Variants in PADI6 observed in about 807,000 individuals in gnomAD.
PADI6 encodes the protein peptidyl arginine deiminase 6.
Under a neutral mutation model 78.2 loss-of-function variants are expected in PADI6, and 66 were observed. The ratio of observed to expected loss-of-function variants is 0.84; its 90% confidence interval spans 0.69 to 1.04. The LOEUF (loss-of-function observed/expected upper bound fraction) is 1.04. PADI6 is among the 50% of genes least tolerant of loss of function. The pLI is 0.00. For synonymous variants in PADI6, 397 were observed against 346.9 expected, an observed-to-expected ratio of 1.14 and a Z score of -1.60; for missense variants, 854 against 866.1, an observed-to-expected ratio of 0.99 and a Z score of 0.18.
At chr1:17,375,581 A>G in intron 3 of PADI6, 82 bp downstream of exon 3, 1 of 1,272,878 alleles carries the variant, frequency 7.9e-7, no homozygotes. Context: ...GAGGAGCCAA[A>G]AAAGATTCTC....
chr1:17,392,546 C>T (rs112535805), intron 9 of PADI6, among the ~76,000 whole-genome samples: 249 of 152,302 alleles, frequency 1.6e-3, no homozygotes, highest in African/African-American at 5.6e-3. Context: ...CCTGGGGTCC[C>T]GCCTGACTCT....
chr1:17,382,153 C>G (rs2075079111), intron 6 of PADI6, 61 bp downstream of exon 6: 1 of 1,586,948 alleles, frequency 6.3e-7, no homozygotes, highest in Non-Finnish European at 8.6e-7. Context: ...CAAGTTGTGC[C>G]CACACCTCCT....
intron 8 of PADI6, among the ~76,000 whole-genome samples, chr1:17,389,788 G>A (rs1195471950): frequency 2.6e-5 from 4 of 152,204 alleles, no homozygotes; most frequent in Non-Finnish European, 5.9e-5. Context: ...TCTAGACACA[G>A]CATGGCTCAA....
chr1:17,384,163 C>A (rs1478273541), intron 6 of PADI6, among the ~76,000 whole-genome samples: 1 of 151,890 alleles, frequency 6.6e-6, no homozygotes, highest in Non-Finnish European at 1.5e-5. Context: ...ACTTAAAAAT[C>A]AGGGTAGGGC....
chr1:17,382,958 G>T (rs1223944190), intron 6 of PADI6, among the ~76,000 whole-genome samples: 1 of 152,132 alleles, frequency 6.6e-6, no homozygotes, highest in Non-Finnish European at 1.5e-5. Context: ...TGGCTAATTT[G>T]CTTTTCTTGT....
At chr1:17,391,147 A>G (rs973547525) in intron 8 of PADI6, among the ~76,000 whole-genome samples, 3 of 152,202 alleles carry the variant, frequency 2.0e-5, no homozygotes, top group African/African-American at 7.2e-5. Context: ...CCCAATTTCA[A>G]TATCTCCCAA....
intron 3 of PADI6, among the ~76,000 whole-genome samples, chr1:17,379,422 A>G (rs540168816): frequency 6.6e-6 from 1 of 151,884 alleles, no homozygotes; most frequent in Admixed American, 6.6e-5. Context: ...CCGCCCAGTT[A>G]ATTTTTGTAT....
chr1:17,398,996 G>A (rs535343316), intron 15 of PADI6, 149 bp downstream of exon 15: 66 of 898,022 alleles, frequency 7.3e-5, no homozygotes, highest in African/African-American at 4.9e-4. Flanking sequence ...CCCCCATCTC[G>A]GTTAGGGACG....
At chr1:17,398,900 T>G in intron 15 of PADI6, 53 bp downstream of exon 15, 1 of 1,565,042 alleles carries the variant, frequency 6.4e-7, no homozygotes, top group Non-Finnish European at 8.8e-7. Flanking sequence ...CAGGCAACAC[T>G]GGCTGCCACC....
In PADI6 at chr1:17,394,074, T is replaced by C; in HGVS notation, c.1174T>C (p.Tyr392His). 1 of 1,613,262 alleles carries C rather than the reference T, an allele frequency of 6.2e-7. No homozygotes were observed. Among genetic ancestry groups the C allele is most frequent in the Non-Finnish European group, 8.5e-7 (1 of 1,179,264 alleles). The change falls in exon 10 of 16, where the codon TAC (tyrosine) becomes CAC (histidine). Residue 392 changes from tyrosine (Y) to histidine (H), a missense_variant. By Grantham distance (83) the Tyr-to-His change is moderately conservative (BLOSUM62 2). Transcript: ENST00000619609. ...AADLDEFPMK[Y>H]SLSPGIGYMI... ...CGATCTCGATGAGTTCCCCATGAAG[T>C]ACTCACTGGTGTGGAACTTGGTTTG...
chr1:17,382,340 G>T (rs1344338176), intron 6 of PADI6, among the ~76,000 whole-genome samples: 1 of 152,306 alleles, frequency 6.6e-6, no homozygotes, highest in South Asian at 2.1e-4. Flanking sequence ...TAAAATGGGG[G>T]TAGCTGTGCC....
chr1:17,388,384 A>AC lies in PADI6; in HGVS notation c.684dup (p.Asn229GlnfsTer6). ...CCATCCCTTCTTTCTCTCCTAGAAGACAACTCCAGTACCTTTGAGTTGGTG... is the reference window on the plus strand; with the variant it reads ...CCATCCCTTCTTTCTCTCCTAGAAGACCAACTCCAGTACCTTTGAGTTGGTG... On this transcript the variant is annotated frameshift_variant, in exon 7 of 16. Coordinates refer to ENST00000619609, the MANE Select transcript of PADI6 (RefSeq NM_207421.4). LOFTEE classifies it high-confidence loss of function. 6.2e-7 allele frequency: 1 copy of AC among 1,609,896 alleles called. No individual in the cohort carries two copies. Among genetic ancestry groups the AC allele is most frequent in the Non-Finnish European group, 8.5e-7 (1 of 1,178,002 alleles).
intron 3 of PADI6, among the ~76,000 whole-genome samples, chr1:17,377,235 G>A (rs1231406400): frequency 2.6e-5 from 4 of 151,856 alleles, no homozygotes; most frequent in Non-Finnish European, 4.4e-5. Flanking sequence ...TGATCCTCCC[G>A]CCTCAGCCTC....
chr1:17,398,648 TCCCCCGCC>T (rs1356037495), intron 14 of PADI6, 30 bp from the exon 15 acceptor site: 9 of 194,664 alleles, frequency 4.6e-5, no homozygotes, highest in African/African-American at 4.0e-4. Flanking sequence ...CTCTCCTTGC[TCCCCCGCC>T]CCCCCCCCCA....
At chr1:17,381,722 T>C (rs2075074659) in intron 5 of PADI6, among the ~76,000 whole-genome samples, 1 of 152,062 alleles carries the variant, frequency 6.6e-6, no homozygotes, top group African/African-American at 2.4e-5. Flanking sequence ...GGCCCTGTTC[T>C]GTTTGTGGGG....
intron 13 of PADI6, 99 bp from the exon 14 acceptor site, chr1:17,396,972 G>A: frequency 1.8e-6 from 2 of 1,100,530 alleles, no homozygotes; most frequent in South Asian, 1.3e-5. Flanking sequence ...ACTGGCCCAG[G>A]AATGCACCCA....
At chr1:17,398,874 TG>T in intron 15 of PADI6, 27 bp downstream of exon 15, 1 of 1,608,370 alleles carries the variant, frequency 6.2e-7, no homozygotes. Flanking sequence ...CATCCCTGGG[TG>T]GGGGAGGGCC....
chr1:17,381,055 G>C lies in PADI6; in HGVS notation c.444G>C (p.Trp148Cys). 1 of 1,598,676 alleles carries C rather than the reference G, an allele frequency of 6.3e-7. No individual in the cohort carries two copies. The highest frequency in any genetic ancestry group is 8.5e-7 in the Non-Finnish European group (1 of 1,172,914). ...MSSDKQAKKK[W>C]IWGPSGWGAI... is the part of the protein sequence containing the mutation. ...TCCCATCTCATTTGCAGAAAAAATG[G>C]ATCTGGGGTCCCAGCGGTTGGGGTG... The change falls in exon 5 of 16, where the codon TGG (tryptophan) becomes TGC (cysteine). Residue 148 changes from tryptophan to cysteine, a missense_variant. Transcript: ENST00000619609.
chr1:17,401,294 T>A lies in PADI6; in HGVS notation c.1941T>A (p.Ile647=). ...IKGTCCLEEK[I]CCLLEPLGFK... ...GGACCTGCTGCCTGGAAGAAAAGAT[T>A]TGCTGCTTGCTGGAGCCCCTGGGCT... The change falls in exon 16 of 16, where the codon ATT becomes ATA. Residue 647 remains isoleucine, a synonymous_variant. Coordinates refer to ENST00000619609, the MANE Select transcript of PADI6 (RefSeq NM_207421.4). 1 of 1,614,068 alleles carries A rather than the reference T, an allele frequency of 6.2e-7. No individual in the cohort carries two copies. The highest frequency in any genetic ancestry group is 8.5e-7 in the Non-Finnish European group (1 of 1,179,912).
Sources: gnomAD v4.1 joint callset for allele counts (sites outside exome capture counted in the v4.1 genomes callset) on GRCh38, gnomAD v4.1.1 for gene constraint, MANE v1.5 for transcripts, NCBI Gene and HGNC (gene_info 2026-07-23, HGNC 2026-07-21) for gene names.